The following AFTPH variants were observed in gnomAD, a reference collection of about 807,000 sequenced individuals.
AFTPH encodes the protein aftiphilin, also known as aftiphilin protein.
In AFTPH, 7 loss-of-function variants were observed where a neutral mutation model predicts 72.5. That is an observed-to-expected ratio of 0.10 (90% confidence interval 0.05 to 0.18). The LOEUF is 0.18. AFTPH is among the 10% of genes least tolerant of loss of function. AFTPH has a pLI of 1.00. For synonymous variants in AFTPH, 337 were observed against 370.1 expected (o/e 0.91, Z 1.03); for missense variants, 979 against 1,060.5 (o/e 0.92, Z 1.07).
intron 5 of AFTPH, among the ~76,000 whole-genome samples, chr2:64,569,891 G>C (rs1672313566): frequency 6.6e-6 from 1 of 152,088 alleles, no homozygotes; most frequent in African/African-American, 2.4e-5. Flanking sequence ...ACTGTTTTTA[G>C]ATTGAAAATT....
exon 4 of AFTPH, chr2:64,569,143 C>T: frequency 1.2e-6 from 2 of 1,614,060 alleles, no homozygotes; most frequent in East Asian, 2.2e-5. Context: ...ATGCACATGG[C>T]TTGAGATACC....
At chr2:64,585,385 C>T in intron 7 of AFTPH, 37 bp from the exon 9 acceptor site, 1 of 1,611,208 alleles carries the variant, frequency 6.2e-7, no homozygotes, top group East Asian at 2.2e-5. Flanking sequence ...TAACCCATTG[C>T]AGCCTGCCAT....
At chr2:64,553,320 G>C (rs1251323345) in exon 2 of AFTPH, 1 of 1,613,980 alleles carries the variant, frequency 6.2e-7, no homozygotes, top group Non-Finnish European at 8.5e-7. Context: ...TGATACTCCA[G>C]GAACCCCCAA....
chr2:64,583,772 TGA>T (rs1321926423), intron 7 of AFTPH, among the ~76,000 whole-genome samples: 2 of 152,186 alleles, frequency 1.3e-5, no homozygotes, highest in African/African-American at 4.8e-5. Context: ...AATGAAATAC[TGA>T]GAACTTGGGA....
At chr2:64,549,345 G>A (rs1401809697) in intron 1 of AFTPH, among the ~76,000 whole-genome samples, 11 of 100,362 alleles carry the variant, frequency 1.1e-4, no homozygotes, top group Non-Finnish European at 1.4e-4. Context: ...TTTTGAAACC[G>A]AGTCTCACTC....
chr2:64,539,779 A>T (rs114378774), intron 1 of AFTPH, among the ~76,000 whole-genome samples: 181 of 152,330 alleles, frequency 1.2e-3, no homozygotes, highest in African/African-American at 4.1e-3. Context: ...TTGAAAGAGC[A>T]GTTTCGGTAG....
At chr2:64,566,101 A>G (rs963706798) in intron 2 of AFTPH, among the ~76,000 whole-genome samples, 5 of 152,218 alleles carry the variant, frequency 3.3e-5, no homozygotes, top group Non-Finnish European at 5.9e-5. Flanking sequence ...GGAGGAGCCA[A>G]TCATGTATCC....
chr2:64,541,824 G>T (rs1167402601), intron 1 of AFTPH, among the ~76,000 whole-genome samples: 1 of 152,126 alleles, frequency 6.6e-6, no homozygotes, highest in African/African-American at 2.4e-5. Context: ...TCACCCAAGT[G>T]ACTAATTATA....
At chr2:64,589,947 G>A (rs55758810) in intron 8 of AFTPH, among the ~76,000 whole-genome samples, 1 of 1,828 alleles carries the variant, frequency 5.5e-4, no homozygotes, top group African/African-American at 2.5e-3. Flanking sequence ...ACATATATGG[G>A]GGGGGGGGGG....
chr2:64,583,943 A>G (rs1393320490), intron 7 of AFTPH, among the ~76,000 whole-genome samples: 12 of 152,222 alleles, frequency 7.9e-5, no homozygotes, highest in Middle Eastern at 3.4e-3. Flanking sequence ...ATTTTTTAAT[A>G]TGTTAAGTAT....
intron 8 of AFTPH, among the ~76,000 whole-genome samples, chr2:64,585,983 C>T (rs1482764205): frequency 1.3e-5 from 2 of 152,140 alleles, no homozygotes; most frequent in Admixed American, 6.5e-5. Flanking sequence ...TTTTCATTGA[C>T]ATGCACCTCT....
intron 1 of AFTPH, among the ~76,000 whole-genome samples, chr2:64,540,505 A>G (rs1670176947): frequency 6.6e-6 from 1 of 152,192 alleles, no homozygotes; most frequent in Non-Finnish European, 1.5e-5. Context: ...GAATTTGTGT[A>G]GAAGGTTAAA....
intron 6 of AFTPH, 67 bp downstream of exon 6, chr2:64,573,135 C>T: frequency 8.5e-7 from 1 of 1,177,970 alleles, no homozygotes; most frequent in Non-Finnish European, 1.2e-6. Flanking sequence ...ACACATACTG[C>T]CTTTTTCCTT....
chr2:64,555,989 C>CTTTTTTTTTTTTTTT (rs774669104), intron 2 of AFTPH, among the ~76,000 whole-genome samples: 1,700 of 133,490 alleles, frequency 0.013, 148 homozygotes, highest in African/African-American at 0.048. Context: ...GAATTCCTCA[C>CTTTTTTTTTTTTTTT]TTTTTTTTTT....
intron 1 of AFTPH, chr2:64,525,623 G>GT (rs963947035): frequency 3.9e-5 from 6 of 153,572 alleles, no homozygotes; most frequent in African/African-American, 1.4e-4. Flanking sequence ...GAGACACAGA[G>GT]TTTATCTTTG....
intron 6 of AFTPH, among the ~76,000 whole-genome samples, chr2:64,578,558 A>AT (rs11366274): frequency 7.5e-4 from 110 of 146,334 alleles, no homozygotes; most frequent in South Asian, 4.5e-3. Context: ...GGAATAGTGA[A>AT]TTTTTTTTTT....
intron 1 of AFTPH, among the ~76,000 whole-genome samples, chr2:64,550,425 G>C (rs1670957368): frequency 6.6e-6 from 1 of 152,030 alleles, no homozygotes; most frequent in Non-Finnish European, 1.5e-5. Context: ...AGCTCTCAAG[G>C]GCATTATTAG....
At chr2:64,552,949 A>T in exon 2 of AFTPH, 1 of 1,614,148 alleles carries the variant, frequency 6.2e-7, no homozygotes, top group Non-Finnish European at 8.5e-7. Flanking sequence ...TGCCAAGAGG[A>T]GACAATATTA....
chr2:64,527,820 GCTGGCAACCATTTAA>G (rs1669369751), intron 1 of AFTPH, among the ~76,000 whole-genome samples: 1 of 152,104 alleles, frequency 6.6e-6, no homozygotes, highest in South Asian at 2.1e-4. Context: ...CTTCCCTATT[GCTGGCAACCATTTAA>G]CAGCCCTTTG....
Sources: gnomAD v4.1 joint callset for allele counts (sites outside exome capture counted in the v4.1 genomes callset) on GRCh38, gnomAD v4.1.1 for gene constraint, MANE v1.5 for transcripts, NCBI Gene and HGNC (gene_info 2026-07-23, HGNC 2026-07-21) for gene names.